Variants in KRABD3 observed in about 807,000 individuals in gnomAD.
The protein encoded by KRABD3 is KRAB domain containing 3.
At chr7:149,724,444 T>C in the KRABD3 span, among the ~76,000 whole-genome samples, 1 of 152,088 alleles carries the variant, frequency 6.6e-6, no homozygotes, top group Non-Finnish European at 1.5e-5. Flanking sequence ...GTAGAAACCT[T>C]GGAGGCACCC....
the KRABD3 span, chr7:149,721,962 C>G: frequency 8.1e-6 from 3 of 371,048 alleles, no homozygotes; most frequent in Non-Finnish European, 1.5e-5. Context: ...TTTAAAACTT[C>G]TCACAAATTT....
At chr7:149,725,556 C>G in the KRABD3 span, 1 of 1,436,922 alleles carries the variant, frequency 7.0e-7, no homozygotes, top group Non-Finnish European at 9.3e-7. Context: ...ATGCTGAGGA[C>G]TGTCGGGTCA....
At chr7:149,724,668 G>C in the KRABD3 span, 2 of 1,542,650 alleles carry the variant, frequency 1.3e-6, no homozygotes, top group South Asian at 2.4e-5. Context: ...GATACCTCCT[G>C]ACCCCTCCTC....
At chr7:149,734,426 G>A in the KRABD3 span, 24 of 205,082 alleles carry the variant, frequency 1.2e-4, no homozygotes, top group East Asian at 1.1e-3. Flanking sequence ...ACCACCAGCC[G>A]TTCCTGATCT....
chr7:149,729,145 GC>G, the KRABD3 span: 1 of 1,415,706 alleles, frequency 7.1e-7, no homozygotes, highest in Non-Finnish European at 9.3e-7. Context: ...GCAGCACGAG[GC>G]CCCGTGGGGC....
the KRABD3 span, chr7:149,723,665 CTGTT>C: frequency 6.6e-7 from 1 of 1,514,344 alleles, no homozygotes; most frequent in Non-Finnish European, 9.0e-7. Flanking sequence ...AACTTGTCCC[CTGTT>C]TGTTGTTTGT....
chr7:149,725,337 G>T, the KRABD3 span: 2 of 1,596,386 alleles, frequency 1.3e-6, no homozygotes, highest in East Asian at 2.3e-5. Context: ...CAAGCTCACC[G>T]CTGGAAGCCC....
At chr7:149,729,234 G>C in the KRABD3 span, 2 of 1,598,634 alleles carry the variant, frequency 1.3e-6, no homozygotes, top group Admixed American at 1.7e-5. Flanking sequence ...GGCAGGGTAG[G>C]GGAGAAGCGC....
chr7:149,722,605 T>C, the KRABD3 span: 1 of 1,571,438 alleles, frequency 6.4e-7, no homozygotes, highest in Non-Finnish European at 8.7e-7. Context: ...TGTGTTTAGT[T>C]CACACGAGGA....
At chr7:149,727,051 T>C in the KRABD3 span, among the ~76,000 whole-genome samples, 1 of 152,242 alleles carries the variant, frequency 6.6e-6, no homozygotes, top group Non-Finnish European at 1.5e-5. Context: ...GTGTGCTTGG[T>C]GACCTGTGCC....
At chr7:149,718,138 G>A in the KRABD3 span, among the ~76,000 whole-genome samples, 1 of 152,074 alleles carries the variant, frequency 6.6e-6, no homozygotes, top group Admixed American at 6.5e-5. Flanking sequence ...TGGGTGCAGG[G>A]GCTCACGCCT....
At chr7:149,717,841 C>T in the KRABD3 span, among the ~76,000 whole-genome samples, 13 of 151,642 alleles carry the variant, frequency 8.6e-5, no homozygotes, top group Non-Finnish European at 1.9e-4. Flanking sequence ...TTTTGTTTTT[C>T]TTGAAACAGG....
chr7:149,724,741 A>C, the KRABD3 span: 1 of 1,556,704 alleles, frequency 6.4e-7, no homozygotes, highest in Non-Finnish European at 8.7e-7. Context: ...CTGGGTCCAG[A>C]GCCCCCCAGG....
chr7:149,729,293 G>C, the KRABD3 span: 1 of 1,602,584 alleles, frequency 6.2e-7, no homozygotes, highest in Non-Finnish European at 8.5e-7. Flanking sequence ...ACCTCCAGCT[G>C]CGTCCCCGCC....
the KRABD3 span, chr7:149,723,020 C>T: frequency 7.6e-7 from 1 of 1,308,368 alleles, no homozygotes; most frequent in Non-Finnish European, 1.0e-6. Context: ...AGCGATTCCT[C>T]CTGCTCCAAA....
At chr7:149,722,684 G>T in the KRABD3 span, 1 of 1,495,310 alleles carries the variant, frequency 6.7e-7, no homozygotes, top group Non-Finnish European at 9.1e-7. Context: ...CATTCTCACG[G>T]GTGGGAATCT....
At chr7:149,722,794 G>T in the KRABD3 span, 2 of 1,603,274 alleles carry the variant, frequency 1.2e-6, no homozygotes, top group Non-Finnish European at 1.7e-6. Flanking sequence ...AATTTCTCCT[G>T]GGAACAGCCC....
chr7:149,723,017 C>T, the KRABD3 span: 1 of 1,309,974 alleles, frequency 7.6e-7, no homozygotes, highest in Non-Finnish European at 1.0e-6. Context: ...AACAGCGATT[C>T]CTCCTGCTCC....
chr7:149,721,187 C>G, the KRABD3 span, among the ~76,000 whole-genome samples: 1 of 152,334 alleles, frequency 6.6e-6, no homozygotes, highest in East Asian at 1.9e-4. Context: ...CTCTGACTTT[C>G]GCATGGTGGT....
Sources: gnomAD v4.1 joint callset for allele counts (sites outside exome capture counted in the v4.1 genomes callset) on GRCh38, gnomAD v4.1.1 for gene constraint, MANE v1.5 for transcripts, NCBI Gene and HGNC (gene_info 2026-07-23, HGNC 2026-07-21) for gene names.